The following ELF2 variants were observed in gnomAD, a reference collection of about 807,000 sequenced individuals.
The protein encoded by ELF2 is E74 like ETS transcription factor 2.
ELF2 carries 11 observed loss-of-function variants against 54.8 expected under a neutral mutation model. The observed-to-expected ratio is 0.20, with a 90% CI of 0.13 to 0.33. The LOEUF is 0.33. Among genes scored for constraint, ELF2 ranks in the 10% least tolerant of loss-of-function variants. The pLI is 1.00. For missense variants in ELF2, 513 were observed against 703.0 expected, an observed-to-expected ratio of 0.73 and a Z score of 3.06; for synonymous variants, 203 against 245.1, an observed-to-expected ratio of 0.83 and a Z score of 1.61.
At chr4:139,116,601 T>C (rs1423584944) in intron 4 of ELF2, 1 of 875,614 alleles carries the variant, frequency 1.1e-6, no homozygotes. Flanking sequence ...ATAATTTTAA[T>C]GAAATATAAA....
Position 139,059,372 on chromosome 4 carries a change from T to G in ELF2, c.1393A>C (p.Thr465Pro), listed in dbSNP as rs536472282. The G allele has an allele frequency of 6.2e-7, 1 of 1,613,986 alleles. No individual in the cohort carries two copies. The highest frequency in any genetic ancestry group is 1.1e-5 in the South Asian group (1 of 91,082). ...QPAKIITIPA[T>P]QLAQCQLQTK... ...TGCAGTTGACACTGTGCAAGCTGTG[T>G]AGCTGGGATGGTAATAATTTTGGCA... is the stretch of plus-strand genomic sequence containing the variant. Residue 465 changes from threonine (T) to proline (P), a missense_variant, in exon 10 of 10, where the codon ACA becomes CCA. Transcript: ENST00000686138.
intron 4 of ELF2, chr4:139,115,220 G>A (rs1486121052): frequency 1.9e-6 from 3 of 1,611,098 alleles, no homozygotes; most frequent in African/African-American, 1.3e-5. Context: ...TTCCCTTGGC[G>A]CCTCACTGGG....
At chr4:139,138,250 T>C (rs763056848) in intron 2 of ELF2, among the ~76,000 whole-genome samples, 2 of 151,870 alleles carry the variant, frequency 1.3e-5, no homozygotes, top group Non-Finnish European at 2.9e-5. Flanking sequence ...AACCCCACCT[T>C]TACTAAAAAT....
At chr4:139,160,933 A>T (rs1741072143) in intron 1 of ELF2, among the ~76,000 whole-genome samples, 1 of 152,198 alleles carries the variant, frequency 6.6e-6, no homozygotes, top group Non-Finnish European at 1.5e-5. Context: ...ACTGCAGTCC[A>T]GCTTCGGCAA....
chr4:139,132,841 C>CATATATATATATATATATATATAT (rs58765596), intron 3 of ELF2, among the ~76,000 whole-genome samples: 11 of 115,052 alleles, frequency 9.6e-5, no homozygotes, highest in African/African-American at 3.2e-4. Flanking sequence ...TATTACTTTA[C>CATATATATATATATATATATATAT]ATATATATAT....
intron 4 of ELF2, among the ~76,000 whole-genome samples, chr4:139,085,655 C>T (rs1288951900): frequency 6.6e-6 from 1 of 152,146 alleles, no homozygotes; most frequent in African/African-American, 2.4e-5. Flanking sequence ...AAAAAAAGAA[C>T]CTACATGCTA....
At chr4:139,176,007 G>A (rs1256307507) in intron 1 of ELF2, among the ~76,000 whole-genome samples, 1 of 152,168 alleles carries the variant, frequency 6.6e-6, no homozygotes, top group African/African-American at 2.4e-5. Context: ...TGCCCAAATG[G>A]AGCAGAAGAG....
chr4:139,132,448 T>TGC (rs1737589078), intron 3 of ELF2, among the ~76,000 whole-genome samples: 1 of 152,108 alleles, frequency 6.6e-6, no homozygotes, highest in African/African-American at 2.4e-5. Context: ...CACATGTGCA[T>TGC]GCACACACAC....
intron 4 of ELF2, among the ~76,000 whole-genome samples, chr4:139,113,854 CA>C (rs34276246): frequency 0.94 from 136,151 of 145,334 alleles, 63,854 homozygotes; most frequent in South Asian, 0.99. Context: ...GACCATGTCT[CA>C]AAAAAAAAAA....
intron 4 of ELF2, among the ~76,000 whole-genome samples, chr4:139,092,934 A>G (rs1732829651): frequency 6.6e-6 from 1 of 151,718 alleles, no homozygotes; most frequent in African/African-American, 2.4e-5. Flanking sequence ...GCATACGCAT[A>G]CACATACAAA....
chr4:139,084,434 G>A (rs953358682), intron 4 of ELF2: 334 of 1,182,306 alleles, frequency 2.8e-4, no homozygotes, highest in Non-Finnish European at 3.4e-4. Flanking sequence ...GGCGGCAGGG[G>A]CAGGGGCGGC....
intron 1 of ELF2, among the ~76,000 whole-genome samples, chr4:139,149,138 C>A (rs1004327036): frequency 6.6e-6 from 1 of 151,984 alleles, no homozygotes; most frequent in African/African-American, 2.4e-5. Flanking sequence ...AGCAAATAAA[C>A]GGCATAGGAA....
At position 139,093,708 on chromosome 4, in the gene ELF2, T is replaced by A. The variant is rs143006002; in HGVS notation, c.239-20141A>T. The stretch of plus-strand genomic sequence containing the variant: ...AAAAGCACTTGATAGGACTCATAAT[T>A]AACACAAAAGGAATAGAAGACAATT... On this transcript the variant is annotated intron_variant, in intron 4 of 9. Coordinates refer to ENST00000686138, the MANE Select transcript of ELF2 (RefSeq NM_001331036.3). 1.7e-3 allele frequency among the ~76,000 whole-genome samples: 263 copies of A among 152,190 alleles called. 2 individuals are homozygous for A. Among genetic ancestry groups the A allele is most frequent in the African/African-American group, 6.1e-3 (252 of 41,524 alleles).
chr4:139,078,347 A>G (rs1180310770), intron 4 of ELF2, among the ~76,000 whole-genome samples: 1 of 152,096 alleles, frequency 6.6e-6, no homozygotes, highest in Non-Finnish European at 1.5e-5. Context: ...CTATAAACTA[A>G]TAGTACAAGG....
intron 3 of ELF2, among the ~76,000 whole-genome samples, chr4:139,128,145 C>T (rs1482244113): frequency 6.6e-6 from 1 of 150,440 alleles, no homozygotes; most frequent in African/African-American, 2.5e-5. Flanking sequence ...CGTTGTGGCT[C>T]TTGCCTATAG....
At chr4:139,110,328 G>A (rs1406667074) in intron 4 of ELF2, among the ~76,000 whole-genome samples, 2 of 152,066 alleles carry the variant, frequency 1.3e-5, no homozygotes, top group East Asian at 1.9e-4. Flanking sequence ...TTCCTGTTGT[G>A]ACCAAAGACA....
At chr4:139,074,406 T>G (rs971128805) in intron 4 of ELF2, among the ~76,000 whole-genome samples, 5 of 152,118 alleles carry the variant, frequency 3.3e-5, no homozygotes, top group African/African-American at 1.2e-4. Flanking sequence ...CTTGAATGAC[T>G]GAGTAGAGTA....
chr4:139,119,570 T>C (rs1323369305), intron 4 of ELF2, among the ~76,000 whole-genome samples: 3 of 152,226 alleles, frequency 2.0e-5, no homozygotes, highest in African/African-American at 7.2e-5. Flanking sequence ...CTGGTCACCC[T>C]TCCTTCCCCT....
chr4:139,063,514 A>T (rs1010364989), intron 7 of ELF2, among the ~76,000 whole-genome samples: 1 of 152,186 alleles, frequency 6.6e-6, no homozygotes, highest in Admixed American at 6.5e-5. Flanking sequence ...TAAAATGAGG[A>T]AATATTAGAA....
Sources: allele counts gnomAD v4.1 joint callset (sites outside exome capture counted in the v4.1 genomes callset), GRCh38; gene constraint gnomAD v4.1.1; transcripts MANE v1.5; gene names NCBI Gene and HGNC (gene_info 2026-07-23, HGNC 2026-07-21).